The following RBMS1 variants were observed in gnomAD, a reference collection of about 807,000 sequenced individuals.
The protein encoded by RBMS1 is RNA binding motif single stranded interacting protein 1.
RBMS1 carries 17 observed loss-of-function variants against 62.3 expected under a neutral mutation model. The observed-to-expected ratio is 0.27, with a 90% CI of 0.19 to 0.41. RBMS1 has a LOEUF of 0.41. Ranked by LOEUF, RBMS1 falls within the 10% of genes least tolerant of loss-of-function variation. The pLI is 1.00. For synonymous variants in RBMS1, 172 were observed against 170.0 expected (o/e 1.01, Z -0.09); for missense variants, 334 against 504.5 (o/e 0.66, Z 3.24).
chr2:160,430,381 A>C (rs1317182031), intron 1 of RBMS1, among the ~76,000 whole-genome samples: 1 of 152,194 alleles, frequency 6.6e-6, no homozygotes, highest in Non-Finnish European at 1.5e-5. Context: ...TTTTACATCC[A>C]CTATTTCCTA....
intron 1 of RBMS1, among the ~76,000 whole-genome samples, chr2:160,460,553 A>C (rs1421874862): frequency 6.6e-6 from 1 of 152,210 alleles, no homozygotes; most frequent in African/African-American, 2.4e-5. Context: ...GCTAGTTACC[A>C]GGGGAAGGGA....
chr2:160,394,756 A>T (rs1695051166), intron 1 of RBMS1, among the ~76,000 whole-genome samples: 2 of 152,208 alleles, frequency 1.3e-5, no homozygotes, highest in Admixed American at 6.5e-5. Flanking sequence ...ATGATTTTTT[A>T]AAAAGATACA....
chr2:160,426,218 G>GAAGAGAGA (rs1553522519), intron 1 of RBMS1, among the ~76,000 whole-genome samples: 58 of 48,718 alleles, frequency 1.2e-3, no homozygotes, highest in African/African-American at 3.6e-3. Flanking sequence ...GAGAGAGACA[G>GAAGAGAGA]AAGAAAGAAA....
At chr2:160,354,947 A>G (rs1286629586) in intron 2 of RBMS1, among the ~76,000 whole-genome samples, 3 of 152,142 alleles carry the variant, frequency 2.0e-5, no homozygotes, top group African/African-American at 7.2e-5. Flanking sequence ...CGCTAATTCT[A>G]GATACACCAT....
intron 2 of RBMS1, among the ~76,000 whole-genome samples, chr2:160,356,243 G>A (rs969832685): frequency 2.0e-5 from 3 of 152,070 alleles, no homozygotes; most frequent in Non-Finnish European, 4.4e-5. Flanking sequence ...TGCTAAAAGG[G>A]ATTATTTTGC....
At chr2:160,295,547 G>A (rs867102118) in intron 6 of RBMS1, among the ~76,000 whole-genome samples, 1 of 152,232 alleles carries the variant, frequency 6.6e-6, no homozygotes, top group East Asian at 1.9e-4. Flanking sequence ...TGCTCCATTT[G>A]TAACTTGGCA....
chr2:160,394,301 A>G (rs60770149), intron 1 of RBMS1, among the ~76,000 whole-genome samples: 8,456 of 152,284 alleles, frequency 0.056, 371 homozygotes, highest in African/African-American at 0.12. Context: ...GTAAAGTCCT[A>G]ACTGTGGTTT....
At chr2:160,481,671 T>C (rs1685378232) in intron 1 of RBMS1, among the ~76,000 whole-genome samples, 1 of 152,178 alleles carries the variant, frequency 6.6e-6, no homozygotes, top group Admixed American at 6.5e-5. Flanking sequence ...CCAATAAAGT[T>C]GTTATTTTTA....
intron 1 of RBMS1, among the ~76,000 whole-genome samples, chr2:160,382,630 T>C (rs1160154852): frequency 6.6e-6 from 1 of 152,208 alleles, no homozygotes; most frequent in African/African-American, 2.4e-5. Flanking sequence ...GGTCAGGCAG[T>C]TGTTATTCAT....
chr2:160,425,097 A>G (rs150645538), intron 1 of RBMS1, among the ~76,000 whole-genome samples: 8 of 152,292 alleles, frequency 5.3e-5, no homozygotes, highest in Admixed American at 3.3e-4. Context: ...AAGTTAAATT[A>G]TCATCTCCAT....
intron 1 of RBMS1, among the ~76,000 whole-genome samples, chr2:160,444,701 T>C (rs1683564383): frequency 6.6e-6 from 1 of 152,122 alleles, no homozygotes; most frequent in African/African-American, 2.4e-5. Flanking sequence ...ACAGGGGCTG[T>C]AGGAGGTAAT....
chr2:160,491,470 G>A (rs1321079691), intron 1 of RBMS1, among the ~76,000 whole-genome samples: 1 of 152,206 alleles, frequency 6.6e-6, no homozygotes, highest in Non-Finnish European at 1.5e-5. Flanking sequence ...TACTAGAGCA[G>A]GCTCTTGCCG....
chr2:160,402,502 A>C (rs1284899858), intron 1 of RBMS1, among the ~76,000 whole-genome samples: 1 of 152,246 alleles, frequency 6.6e-6, no homozygotes, highest in African/African-American at 2.4e-5. Flanking sequence ...GGACATACTT[A>C]TACTAAAAAA....
intron 2 of RBMS1, among the ~76,000 whole-genome samples, chr2:160,359,666 T>C (rs1693017053): frequency 6.6e-6 from 1 of 152,214 alleles, no homozygotes; most frequent in Non-Finnish European, 1.5e-5. Flanking sequence ...ATGTTGAAGG[T>C]AACTTCATAA....
At chr2:160,400,136 A>G (rs1464537530) in intron 1 of RBMS1, among the ~76,000 whole-genome samples, 3 of 152,134 alleles carry the variant, frequency 2.0e-5, no homozygotes, top group Non-Finnish European at 4.4e-5. Context: ...CCCCTGGGTT[A>G]TACACTAACA....
chr2:160,324,486 GA>G (rs1690775531), intron 2 of RBMS1, among the ~76,000 whole-genome samples: 1 of 151,786 alleles, frequency 6.6e-6, no homozygotes, highest in Admixed American at 6.6e-5. Context: ...AATATTTTAT[GA>G]ATATTATTAA....
At chr2:160,375,375 A>G (rs1373470835) in intron 1 of RBMS1, among the ~76,000 whole-genome samples, 1 of 152,230 alleles carries the variant, frequency 6.6e-6, no homozygotes, top group Non-Finnish European at 1.5e-5. Context: ...AATATTCTAA[A>G]TATGTAAGCT....
rs965171715 is a variant in RBMS1 at position 160,493,664 on chromosome 2, C to T, written c.-301G>A. On this transcript the variant is annotated 5_prime_UTR_variant, in exon 1 of 14. Transcript: ENST00000348849. ...AGGGCGCTCCCAAGGAGTTTCCTCC[C>T]GGAGCCCGACTGCTCCGGGGCTGCC... is the stretch of plus-strand genomic sequence containing the variant. The T allele has an allele frequency of 5.2e-5, 24 of 462,700 alleles. No individual in the cohort carries two copies. Among genetic ancestry groups the T allele is most frequent in the Non-Finnish European group, 9.1e-5 (23 of 254,060 alleles). 28.7% of individuals were successfully genotyped at this position (462,700 alleles called of 1,614,324 possible). A position where few individuals can be genotyped will look rare whatever the true frequency, so the allele number is the denominator to read the frequency against.
intron 1 of RBMS1, among the ~76,000 whole-genome samples, chr2:160,403,327 C>A (rs185231267): frequency 1.3e-5 from 2 of 152,304 alleles, no homozygotes; most frequent in Admixed American, 1.3e-4. Flanking sequence ...AAAACAACAA[C>A]AAATTGGGAC....
Sources: gnomAD v4.1 joint callset for allele counts (sites outside exome capture counted in the v4.1 genomes callset) on GRCh38, gnomAD v4.1.1 for gene constraint, MANE v1.5 for transcripts, NCBI Gene and HGNC (gene_info 2026-07-23, HGNC 2026-07-21) for gene names.